Variants in PDE1A observed in about 807,000 individuals in gnomAD.
The protein encoded by PDE1A is phosphodiesterase 1A, also known as dual specificity calcium/calmodulin-dependent 3',5'-cyclic nucleotide phosphodiesterase 1A.
Under a neutral mutation model 61.7 loss-of-function variants are expected in PDE1A, and 35 were observed. The observed-to-expected ratio is 0.57, with a 90% CI of 0.43 to 0.75. The LOEUF is 0.75. Among genes scored for constraint, PDE1A ranks in the 30% least tolerant of loss-of-function variants. The probability of loss-of-function intolerance (pLI) is 0.00; values close to 1 mark genes in which losing one functional copy is unlikely to be tolerated. For synonymous variants in PDE1A, 232 were observed against 213.2 expected, an observed-to-expected ratio of 1.09 and a Z score of -0.77; for missense variants, 597 against 630.6, an observed-to-expected ratio of 0.95 and a Z score of 0.57.
chr2:182,626,331 A>T, the PDE1A span, among the ~76,000 whole-genome samples: 2 of 152,166 alleles, frequency 1.3e-5, no homozygotes, highest in African/African-American at 4.8e-5. Context: ...TTTCAGAGAA[A>T]GGTTAGTGAG....
intron 2 of PDE1A, among the ~76,000 whole-genome samples, chr2:182,453,143 T>C (rs1259697578): frequency 6.6e-6 from 1 of 152,146 alleles, no homozygotes; most frequent in Non-Finnish European, 1.5e-5. Context: ...AATGATCAGA[T>C]AAATTATAGT....
chr2:182,349,025 G>T lies in PDE1A; in HGVS notation c.53+77553C>A, dbSNP rs369621364. The stretch of plus-strand genomic sequence containing the variant: ...TATATTAATAGGCATCTCCAATAAG[G>T]ATCTAGGTAGAATAAAATGTCATTG... On this transcript the variant is annotated intron_variant, in intron 1 of 13. Transcript: ENST00000351439. 4.6e-5 allele frequency among the ~76,000 whole-genome samples: 7 copies of T among 152,170 alleles called. No individual in the cohort carries two copies. In the East Asian group the frequency reaches 9.7e-4, roughly 21 times the overall value.
chr2:182,457,952 G>A (rs1293112306), intron 2 of PDE1A, among the ~76,000 whole-genome samples: 2 of 152,020 alleles, frequency 1.3e-5, no homozygotes, highest in Non-Finnish European at 2.9e-5. Flanking sequence ...GTTGGGCAAA[G>A]TAAAATTTAT....
intron 10 of PDE1A, among the ~76,000 whole-genome samples, chr2:182,193,349 A>G (rs1327710204): frequency 6.6e-6 from 1 of 152,064 alleles, no homozygotes; most frequent in Non-Finnish European, 1.5e-5. Flanking sequence ...AATCTTGAGA[A>G]AACTCTTCAT....
intron 2 of PDE1A, among the ~76,000 whole-genome samples, chr2:182,247,067 T>C (rs775022341): frequency 3.3e-5 from 5 of 152,230 alleles, no homozygotes; most frequent in Non-Finnish European, 7.3e-5. Context: ...TTGCTGCTTA[T>C]GCAGCAACAA....
the PDE1A span, among the ~76,000 whole-genome samples, chr2:182,685,955 AATCATCATATATC>A: frequency 6.6e-6 from 1 of 152,216 alleles, no homozygotes; most frequent in Admixed American, 6.5e-5. Flanking sequence ...GAGCAATCTT[AATCATCATATATC>A]ATATAATGAT....
At chr2:182,364,813 T>G (rs1434567186) in intron 1 of PDE1A, among the ~76,000 whole-genome samples, 8 of 152,014 alleles carry the variant, frequency 5.3e-5, no homozygotes, top group Non-Finnish European at 1.0e-4. Context: ...AGACATTGTA[T>G]TCAGTTAATA....
intron 1 of PDE1A, among the ~76,000 whole-genome samples, chr2:182,299,923 C>G (rs1695131816): frequency 6.6e-6 from 1 of 152,134 alleles, no homozygotes; most frequent in African/African-American, 2.4e-5. Context: ...GCTATTTAAA[C>G]TTGAGCAGCA....
intron 2 of PDE1A, among the ~76,000 whole-genome samples, chr2:182,501,989 C>T (rs546659828): frequency 6.6e-6 from 1 of 152,234 alleles, no homozygotes; most frequent in African/African-American, 2.4e-5. Flanking sequence ...AAAAAAGGCA[C>T]ACAGGGACAC....
downstream of PDE1A, chr2:182,167,773 A>G (rs895056945): frequency 7.5e-6 from 3 of 398,750 alleles, no homozygotes; most frequent in Non-Finnish European, 1.0e-5. Context: ...TAATATAAAC[A>G]TGTTTTCAAA....
At chr2:182,452,838 T>C (rs568859103) in intron 2 of PDE1A, among the ~76,000 whole-genome samples, 16 of 152,174 alleles carry the variant, frequency 1.1e-4, no homozygotes, top group South Asian at 4.1e-4. Flanking sequence ...ACCAGAATAA[T>C]CAAGGGATAA....
At chr2:182,199,255 G>A (rs573414829) in intron 10 of PDE1A, among the ~76,000 whole-genome samples, 62 of 151,818 alleles carry the variant, frequency 4.1e-4, no homozygotes, top group Middle Eastern at 6.8e-3. Flanking sequence ...CTTTTTCGGA[G>A]AGCCAACTGT....
chr2:182,647,069 CT>C, the PDE1A span, among the ~76,000 whole-genome samples: 1 of 152,270 alleles, frequency 6.6e-6, no homozygotes, highest in Admixed American at 6.5e-5. Context: ...GAGTTTGTTT[CT>C]TTGTTTTTAA....
chr2:182,198,922 T>C (rs1260085250), intron 10 of PDE1A, among the ~76,000 whole-genome samples: 2 of 151,972 alleles, frequency 1.3e-5, no homozygotes, highest in Admixed American at 6.6e-5. Flanking sequence ...CATCTCTCAA[T>C]TGAATTGAAT....
intron 1 of PDE1A, among the ~76,000 whole-genome samples, chr2:182,396,348 A>G (rs1701705335): frequency 1.3e-5 from 2 of 152,182 alleles, no homozygotes; most frequent in Admixed American, 6.5e-5. Context: ...TTGGAAGGAG[A>G]AATGGCCAGA....
chr2:182,273,086 G>A (rs2125823303), intron 1 of PDE1A, among the ~76,000 whole-genome samples: 1 of 152,066 alleles, frequency 6.6e-6, no homozygotes, highest in African/African-American at 2.4e-5. Flanking sequence ...CATTTTATTT[G>A]GAAATATAAA....
chr2:182,446,945 T>C (rs1685179271), intron 2 of PDE1A, among the ~76,000 whole-genome samples: 1 of 151,934 alleles, frequency 6.6e-6, no homozygotes, highest in Admixed American at 6.6e-5. Context: ...AGATAATATA[T>C]ATATATATAT....
the PDE1A span, among the ~76,000 whole-genome samples, chr2:182,627,432 A>ATATC: frequency 0.49 from 63,301 of 127,972 alleles, 16,428 homozygotes; most frequent in Admixed American, 0.62. Context: ...ATATTTAAAT[A>ATATC]TATATATATA....
the PDE1A span, among the ~76,000 whole-genome samples, chr2:182,666,947 C>T: frequency 0.1 from 15,338 of 152,158 alleles, 924 homozygotes; most frequent in Middle Eastern, 0.27. Flanking sequence ...TCCCAGTGCA[C>T]AGTCCTGCTA....
Sources: gnomAD v4.1 joint callset for allele counts (sites outside exome capture counted in the v4.1 genomes callset) on GRCh38, gnomAD v4.1.1 for gene constraint, MANE v1.5 for transcripts, NCBI Gene and HGNC (gene_info 2026-07-23, HGNC 2026-07-21) for gene names.